NCAPG2: variants seen among roughly 807,000 people sequenced by gnomAD.
The protein encoded by NCAPG2 is condensin-2 complex subunit G2.
In NCAPG2, 53 loss-of-function variants were observed where a neutral mutation model predicts 141.1. The ratio of observed to expected loss-of-function variants is 0.38; its 90% CI spans 0.30 to 0.47. The LOEUF is 0.47. Among genes scored for constraint, NCAPG2 ranks in the 20% least tolerant of loss-of-function variants. The probability of loss-of-function intolerance (pLI) is 0.99; values close to 1 mark genes in which losing one functional copy is unlikely to be tolerated. For missense variants in NCAPG2, 1,087 were observed against 1,389.0 expected, an observed-to-expected ratio of 0.78 and a Z score of 3.46; for synonymous variants, 499 against 490.7, an observed-to-expected ratio of 1.02 and a Z score of -0.22.
At position 158,664,583 on chromosome 7, in the gene NCAPG2, G is replaced by A. The variant is rs112230607; in HGVS notation, c.1647C>T (p.Ala549=). ...CGTACTGATAGAACCTCCTGGCAGC[G>A]GCGTGGTTCATCTGCACCAGGGTGA... ...RCVTLVQMNH[A]AARRFYQYAH... The change falls in exon 14 of 28, where the codon GCC becomes GCT. Residue 549 remains alanine (A), a synonymous_variant. Transcript: ENST00000356309. 1.3e-4 allele frequency: 215 copies of A among 1,614,130 alleles called. 5 individuals carry two copies. The African/African-American group carries it at 1.6e-3, about 12-fold the overall frequency.
intron 13 of NCAPG2, among the ~76,000 whole-genome samples, chr7:158,669,536 G>C (rs1252588215): frequency 3.3e-5 from 5 of 152,010 alleles, no homozygotes; most frequent in Non-Finnish European, 7.4e-5. Context: ...GCCAAAACAG[G>C]TGGATCCCCT....
rs1435559917 is a variant in NCAPG2, at chr7:158,689,759, A to G, written c.672+60T>C. The G allele has an allele frequency of 3.5e-6, 5 of 1,425,970 alleles. 1 individual carries two copies. The African/African-American group carries it at 7.3e-5, about 21-fold the overall frequency. 88.3% of individuals were successfully genotyped at this position (1,425,970 alleles called of 1,614,324 possible). Reference sequence around the variant, plus strand: ...GTGCAGACAGGAACCATGTGAACACAGGAGAAACATCTATTAAGAAGCAGC... The same window carrying G: ...GTGCAGACAGGAACCATGTGAACACGGGAGAAACATCTATTAAGAAGCAGC... On this transcript the variant is annotated intron_variant, in intron 6 of 27. Transcript: ENST00000356309.
intron 23 of NCAPG2, among the ~76,000 whole-genome samples, chr7:158,651,615 TAAC>T (rs1831500077): frequency 6.6e-6 from 1 of 152,236 alleles, no homozygotes; most frequent in Non-Finnish European, 1.5e-5. Context: ...CTCTCTCTGA[TAAC>T]AACATCACGT....
chr7:158,632,446 A>G (rs899035852), intron 27 of NCAPG2, among the ~76,000 whole-genome samples: 5 of 152,176 alleles, frequency 3.3e-5, no homozygotes, highest in African/African-American at 4.8e-5. Context: ...CATGGCTCCA[A>G]TGCTTGTTCC....
chr7:158,703,456 C>CACTT (rs1835933567), intron 1 of NCAPG2, among the ~76,000 whole-genome samples: 1 of 152,198 alleles, frequency 6.6e-6, no homozygotes, highest in Non-Finnish European at 1.5e-5. Context: ...TACAGTAATA[C>CACTT]ACTTCCTCTA....
Position 158,701,638 on chromosome 7 carries a change from A to G in NCAPG2, c.78+184T>C, listed in dbSNP as rs140090269. Among the ~76,000 whole-genome samples, 514 of 152,258 alleles carry G rather than the reference A, an allele frequency of 3.4e-3. 3 individuals are homozygous for G. The highest frequency in any genetic ancestry group is 4.3e-3 in the Non-Finnish European group (295 of 68,022). ...TGGTTAACTTCTGTTTATCTTTTAC[A>G]TCTTAGCGTAGCCCACCAGCAGGTA... is the stretch of plus-strand genomic sequence containing the variant. On this transcript the variant is annotated intron_variant, in intron 2 of 27. Coordinates refer to ENST00000356309, the MANE Select transcript of NCAPG2 (RefSeq NM_017760.7).
rs756077669 is a variant in NCAPG2 at position 158,656,344 on chromosome 7, C to G, written c.2304G>C (p.Leu768=). The change falls in exon 19 of 28, where the codon CTG becomes CTC. Residue 768 remains leucine, a synonymous_variant. Transcript: ENST00000356309. ...AGCACTCGCGGTTCTTTGGATGAGTCAGCAGATACTCAATGTAGACCAATG... is the reference window on the plus strand; with the variant it reads ...AGCACTCGCGGTTCTTTGGATGAGTGAGCAGATACTCAATGTAGACCAATG... ...ELALVYIEYL[L]THPKNRECLL... 6.8e-6 allele frequency: 11 copies of G among 1,614,054 alleles called. No individual in the cohort carries two copies. The East Asian group carries it at 2.2e-4, about 33-fold the overall frequency.
intron 26 of NCAPG2, 71 bp from the exon 27 acceptor site, chr7:158,644,459 A>G: frequency 7.5e-7 from 1 of 1,334,508 alleles, no homozygotes; most frequent in Non-Finnish European, 1.1e-6. Context: ...TCTGGTACAC[A>G]TGTGGTACAA....
chr7:158,655,549 G>A, intron 19 of NCAPG2, 94 bp from the exon 20 acceptor site: 2 of 1,117,160 alleles, frequency 1.8e-6, no homozygotes, highest in East Asian at 2.4e-5. Flanking sequence ...TGATCCTCAG[G>A]CGAGCTGAAA....
At position 158,668,469 on chromosome 7, in the gene NCAPG2, G is replaced by A. The variant is rs1237324949; in HGVS notation, c.1479+3045C>T. ...TAAAATAATGGTAGAGTGGTTTTAAGTGCTTATCTTTTAGAGATACATTCT... is the reference window on the plus strand; with the variant it reads ...TAAAATAATGGTAGAGTGGTTTTAAATGCTTATCTTTTAGAGATACATTCT... On this transcript the variant is annotated intron_variant, in intron 13 of 27. Coordinates refer to ENST00000356309, the MANE Select transcript of NCAPG2 (RefSeq NM_017760.7). 5.2e-6 allele frequency: 5 copies of A among 953,960 alleles called. No individual in the cohort carries two copies. The South Asian group carries it at 1.9e-4, about 37-fold the overall frequency. The allele number at this position is 953,960 out of a possible 1,614,324, so 59.1% of individuals were successfully genotyped here. A position where few individuals can be genotyped will look rare whatever the true frequency, so the allele number is the denominator to read the frequency against.
rs531802225 is a variant in NCAPG2, at chr7:158,686,198, T to G, written c.811A>C (p.Lys271Gln). 1.6e-5 allele frequency: 26 copies of G among 1,578,846 alleles called. No homozygotes were observed. The South Asian group carries it at 3.0e-4, about 18-fold the overall frequency. ...YIAEIYFRAWKKASGKILEAI... is the reference protein window; with the variant it reads ...YIAEIYFRAWQKASGKILEAI... Reference sequence around the variant, plus strand: ...TCCAGTATTTTCCCTGAAGCCTTTTTCCAAGCTCTGAAATAAATTTCTGCA... The same window carrying G: ...TCCAGTATTTTCCCTGAAGCCTTTTGCCAAGCTCTGAAATAAATTTCTGCA... Residue 271 changes from lysine (K) to glutamine (Q), a missense_variant, in exon 8 of 28, where the codon AAA (lysine) becomes CAA (glutamine). By Grantham distance (53) the Lys-to-Gln change is moderately conservative. Coordinates refer to ENST00000356309, the MANE Select transcript of NCAPG2 (RefSeq NM_017760.7).
intron 27 of NCAPG2, among the ~76,000 whole-genome samples, chr7:158,637,021 C>T (rs1395213794): frequency 6.6e-6 from 1 of 151,600 alleles, no homozygotes; most frequent in Admixed American, 6.6e-5. Context: ...GATCTTGGCT[C>T]ACTGCAAGTT....
At position 158,683,301 on chromosome 7, in the gene NCAPG2, T is replaced by G. The variant is rs757156707; in HGVS notation, c.923A>C (p.Glu308Ala). The G allele has an allele frequency of 4.4e-6, 7 of 1,582,860 alleles. No homozygotes were observed. The African/African-American group carries it at 8.2e-5, about 19-fold the overall frequency. ...AAAACAATCTGTTCACAATCTTACC[T>G]CCCGCACTTTGGAATGCACTGGAGA... ...RRSPVHSKVREVLSYFHHQKK... is the reference protein window; with the variant it reads ...RRSPVHSKVRAVLSYFHHQKK... The change falls in exon 9 of 28, where the codon GAG becomes GCG. Residue 308 changes from glutamate (E) to alanine (A), a missense_variant and splice_region_variant. Physicochemically the swap from Glu to Ala is moderately radical, Grantham distance 107 (BLOSUM62 -1). Coordinates refer to ENST00000356309, the MANE Select transcript of NCAPG2 (RefSeq NM_017760.7).
intron 13 of NCAPG2, chr7:158,665,152 A>C (rs957310792): frequency 1.7e-5 from 3 of 179,596 alleles, no homozygotes; most frequent in African/African-American, 7.2e-5. Flanking sequence ...TGGACACTCC[A>C]TCTCCTATCT....
At position 158,631,542 on chromosome 7, in the gene NCAPG2, C is replaced by CA. The variant is rs1408394275; in HGVS notation, c.*123dup. The stretch of plus-strand genomic sequence containing the variant: ...TAACCCCCACCTTCCCACATTCCCA[C>CA]AAAAAAATCCCACCCTTTCCCTATT... On this transcript the variant is annotated 3_prime_UTR_variant, in exon 28 of 28. Transcript: ENST00000356309. 1.5e-5 allele frequency: 15 copies of CA among 979,618 alleles called. No homozygotes were observed. Among genetic ancestry groups the CA allele is most frequent in the Non-Finnish European group, 2.1e-5 (13 of 629,450 alleles). 60.7% of individuals were successfully genotyped at this position (979,618 alleles called of 1,614,324 possible). A position where few individuals can be genotyped will look rare whatever the true frequency, so the allele number is the denominator to read the frequency against.
chr7:158,704,121 G>A (rs1835992842), intron 1 of NCAPG2, among the ~76,000 whole-genome samples: 1 of 149,340 alleles, frequency 6.7e-6, no homozygotes, highest in Non-Finnish European at 1.5e-5. Context: ...GGACTGAGGG[G>A]ACGCTCTCTG....
In NCAPG2 at chr7:158,662,217, G is replaced by A. The variant is rs1264017451; in HGVS notation, c.1966C>T (p.Pro656Ser). 4 of 1,608,312 alleles carry A rather than the reference G, an allele frequency of 2.5e-6. No homozygotes were observed. The highest frequency in any genetic ancestry group is 2.5e-6 in the Non-Finnish European group (3 of 1,178,264). Residue 656 changes from proline to serine, a missense_variant, in exon 16 of 28, where the codon CCA becomes TCA. By Grantham distance (74) the Pro-to-Ser change is moderately conservative. Coordinates refer to ENST00000356309, the MANE Select transcript of NCAPG2 (RefSeq NM_017760.7). The stretch of plus-strand genomic sequence containing the variant: ...ACCTTAAATACTTTCAGATACTCTG[G>A]AAGCACAGAGGCAAACTTGTTAATC... ...YTINKFASVL[P>S]EYLKVFKDDR...
intron 24 of NCAPG2, among the ~76,000 whole-genome samples, chr7:158,649,029 C>T (rs550706335): frequency 9.2e-5 from 14 of 152,296 alleles, no homozygotes; most frequent in African/African-American, 3.4e-4. Context: ...TTTTTAAGCC[C>T]TACCCATGTG....
At chr7:158,677,525 CAAAAA>C in intron 11 of NCAPG2, among the ~76,000 whole-genome samples, 38 of 90,402 alleles carry the variant, frequency 4.2e-4, no homozygotes, top group African/African-American at 1.5e-3. Context: ...AAAAATAAAG[CAAAAA>C]AAAAAAAAAA....
Sources: gnomAD v4.1 joint callset for allele counts (sites outside exome capture counted in the v4.1 genomes callset) on GRCh38, gnomAD v4.1.1 for gene constraint, MANE v1.5 for transcripts, NCBI Gene and HGNC (gene_info 2026-07-23, HGNC 2026-07-21) for gene names.